The following AHNAK2 variants were observed in gnomAD, a reference collection of about 807,000 sequenced individuals.
AHNAK2 encodes the protein AHNAK nucleoprotein 2.
A neutral mutation model predicts 30.7 loss-of-function variants in AHNAK2; 18 were observed. The ratio of observed to expected loss-of-function variants is 0.59; its 90% CI spans 0.41 to 0.87. AHNAK2 has a LOEUF of 0.87. Among genes scored for constraint, AHNAK2 ranks in the 40% least tolerant of loss-of-function variants. AHNAK2 has a pLI of 0.00. For missense variants in AHNAK2, 8,604 were observed against 7,373.0 expected (o/e 1.17, Z -6.11); for synonymous variants, 3,590 against 3,073.8 (o/e 1.17, Z -5.56).
rs866622589 is a variant in AHNAK2, at chr14:104,978,202, C to A, written c.36G>T (p.Trp12Cys). Reference sequence around the variant, plus strand: ...GCGCACCGCTGCCGGGGGTTCCGGGCCAGGTGGGCAGCACCATGTGGAAGC... The same window carrying A: ...GCGCACCGCTGCCGGGGGTTCCGGGACAGGTGGGCAGCACCATGTGGAAGC... ...CDCFHMVLPT[W>C]PGTPGSVSGR... The change falls in exon 1 of 7, where the codon TGG (tryptophan) becomes TGT (cysteine). Residue 12 changes from tryptophan to cysteine, a missense_variant. Physicochemically the swap from Trp to Cys is radical, Grantham distance 215 (BLOSUM62 -2). Transcript: ENST00000333244. 4 of 1,216,838 alleles carry A rather than the reference C, an allele frequency of 3.3e-6. No homozygotes were observed. The highest frequency in any genetic ancestry group is 4.1e-6 in the Non-Finnish European group (4 of 977,474). 75.4% of individuals were successfully genotyped at this position (1,216,838 alleles called of 1,614,324 possible).
At chr14:104,977,288 G>C (rs1322419148) in intron 1 of AHNAK2, among the ~76,000 whole-genome samples, 1 of 152,192 alleles carries the variant, frequency 6.6e-6, no homozygotes, top group East Asian at 1.9e-4. Context: ...CAGCAGCATA[G>C]ACCCAGCGCC....
In AHNAK2 at chr14:104,939,776, C is replaced by T. The variant is rs898694631; in HGVS notation, c.15675G>A (p.Gly5225=). Residue 5225 remains glycine (G), a synonymous_variant, in exon 7 of 7, where the codon GGG becomes GGA. Coordinates refer to ENST00000333244, the MANE Select transcript of AHNAK2 (RefSeq NM_138420.4). ...CTTTGACTTTAGCTGCTGCTTCACC[C>T]CCTGTTGCTGCCGGTGCCTGTGTCT... ...VAQTQAPAAT[G]GEAAAKVKEF... The T allele has an allele frequency of 1.2e-6, 2 of 1,613,706 alleles. No homozygotes were observed. Among genetic ancestry groups the T allele is most frequent in the Admixed American group, 1.7e-5 (1 of 60,012 alleles).
intron 1 of AHNAK2, among the ~76,000 whole-genome samples, chr14:104,965,415 A>G (rs1899273174): frequency 2.0e-5 from 3 of 151,578 alleles, no homozygotes; most frequent in East Asian, 1.9e-4. Context: ...AAAAAAAAAA[A>G]AAAAAAGAAA....
At position 104,952,344 on chromosome 14, in the gene AHNAK2, G is replaced by A. The variant is rs759359031; in HGVS notation, c.3107C>T (p.Ser1036Phe). The A allele has an allele frequency of 1.2e-6, 2 of 1,612,772 alleles. No homozygotes were observed. The highest frequency in any genetic ancestry group is 3.3e-5 in the Admixed American group (2 of 59,944). Residue 1036 changes from serine to phenylalanine, a missense_variant, in exon 7 of 7, where the codon TCC (serine) becomes TTC (phenylalanine). Coordinates refer to ENST00000333244, the MANE Select transcript of AHNAK2 (RefSeq NM_138420.4). ...AGTGGTCTTCAGGTCCCCCTGCATGGAGGGGAGACTCAGGTCGGCCTCCAC... is the reference window on the plus strand; with the variant it reads ...AGTGGTCTTCAGGTCCCCCTGCATGAAGGGGAGACTCAGGTCGGCCTCCAC... The part of the protein sequence containing the change: ...PKVEADLSLP[S>F]MQGDLKTTDL...
rs1189953266 is a variant in AHNAK2, at chr14:104,950,680, G to T, written c.4771C>A (p.Leu1591Ile). Residue 1591 changes from leucine (L) to isoleucine (I), a missense_variant, in exon 7 of 7, where the codon CTC becomes ATC. Leu to Ile is a conservative substitution (Grantham distance 5). Coordinates refer to ENST00000333244, the MANE Select transcript of AHNAK2 (RefSeq NM_138420.4). ...MPSFKMPKVD[L>I]KGPQIDVKGP... is the part of the protein sequence containing the mutation. Reference sequence around the variant, plus strand: ...TTAACATCTATCTGGGGCCCCTTGAGGTCCACTTTGGGCATCTTGAAACTG... The same window carrying T: ...TTAACATCTATCTGGGGCCCCTTGATGTCCACTTTGGGCATCTTGAAACTG... 3.1e-6 allele frequency: 5 copies of T among 1,587,652 alleles called. 1 individual carries two copies. Among genetic ancestry groups the T allele is most frequent in the South Asian group, 2.2e-5 (2 of 89,808 alleles).
chr14:104,976,254 G>A (rs552623019), intron 1 of AHNAK2, among the ~76,000 whole-genome samples: 4 of 152,314 alleles, frequency 2.6e-5, no homozygotes, highest in Non-Finnish European at 2.9e-5. Context: ...AGTCGGCAGC[G>A]CTGCGTGGGG....
chr14:104,977,739 G>T (rs1052082767), intron 1 of AHNAK2, among the ~76,000 whole-genome samples: 3 of 152,140 alleles, frequency 2.0e-5, no homozygotes, highest in African/African-American at 7.2e-5. Flanking sequence ...CCCGGGTCCC[G>T]GCGGCCCCGG....
intron 1 of AHNAK2, among the ~76,000 whole-genome samples, chr14:104,974,968 C>T (rs982227466): frequency 5.9e-5 from 9 of 152,212 alleles, no homozygotes; most frequent in Non-Finnish European, 1.0e-4. Context: ...AGAGGCCTTC[C>T]GCATAGGTGT....
At position 104,966,150 on chromosome 14, in the gene AHNAK2, A is replaced by G. The variant is rs368877485; in HGVS notation, c.56-8478T>C. On this transcript the variant is annotated intron_variant, in intron 1 of 6. Coordinates refer to ENST00000333244, the MANE Select transcript of AHNAK2 (RefSeq NM_138420.4). This position sits in a 1 kb window ranked among gnomAD's most constrained non-coding sequence, Gnocchi z 4.3. ...GAGGTTCTCTCAAGCGAAGGAAGAGAAGGGCAGGAGGTGAGGGCAGGCAGG... is the reference window on the plus strand; with the variant it reads ...GAGGTTCTCTCAAGCGAAGGAAGAGGAGGGCAGGAGGTGAGGGCAGGCAGG... 2.0e-5 allele frequency among the ~76,000 whole-genome samples: 3 copies of G among 152,224 alleles called. No individual in the cohort carries two copies. The East Asian group carries it at 5.8e-4, about 29-fold the overall frequency.
Position 104,945,212 on chromosome 14 carries a change from G to A in AHNAK2, c.10239C>T (p.Ile3413=), listed in dbSNP as rs769430039. The change falls in exon 7 of 7, where the codon ATC becomes ATT. Residue 3413 remains isoleucine, a synonymous_variant. Coordinates refer to ENST00000333244, the MANE Select transcript of AHNAK2 (RefSeq NM_138420.4). ...KVDLKSPQVD[I]KGPKLDLKVP... is the part of the protein sequence containing the mutation. ...CTTTTAGGTCCAGCTTGGGGCCCTTGATGTCCACCTGGGGGCTCTTGAGGT... is the reference window on the plus strand; with the variant it reads ...CTTTTAGGTCCAGCTTGGGGCCCTTAATGTCCACCTGGGGGCTCTTGAGGT... 18 of 1,612,438 alleles carry A rather than the reference G, an allele frequency of 1.1e-5. 2 individuals carry two copies. Among genetic ancestry groups the A allele is most frequent in the South Asian group, 8.8e-5 (8 of 90,990 alleles).
chr14:104,946,436 C>T lies in AHNAK2; in HGVS notation c.9015G>A (p.Ala3005=), dbSNP rs750061001. ...KSIEVSVDVS[A]PKVEAEVSLP... ...GGCTCACTTCGGCCTCCACCTTCGG[C>T]GCAGACACATCCACCGAGACCTCAA... Residue 3005 remains alanine (A), a synonymous_variant, in exon 7 of 7, where the codon GCG becomes GCA. Transcript: ENST00000333244. 28 of 1,612,172 alleles carry T rather than the reference C, an allele frequency of 1.7e-5. No individual in the cohort carries two copies. The highest frequency in any genetic ancestry group is 6.7e-5 in the African/African-American group (5 of 74,340).
chr14:104,949,062 A>C lies in AHNAK2; in HGVS notation c.6389T>G (p.Leu2130Arg). 25 of 1,069,022 alleles carry C rather than the reference A, an allele frequency of 2.3e-5. 9 individuals carry two copies. Among genetic ancestry groups the C allele is most frequent in the Non-Finnish European group, 3.4e-5 (25 of 734,302 alleles). 66.2% of individuals were successfully genotyped at this position (1,069,022 alleles called of 1,614,324 possible). A position where few individuals can be genotyped will look rare whatever the true frequency, so the allele number is the denominator to read the frequency against. Residue 2130 changes from leucine to arginine, a missense_variant, in exon 7 of 7, where the codon CTG (leucine) becomes CGG (arginine). Physicochemically the swap from Leu to Arg is moderately radical, Grantham distance 102. Transcript: ENST00000333244. ...GTCCCCCTGCAGATGCGCACTATCCAGCTTGGCTCTTGGGGCCTGGACGTC... is the reference window on the plus strand; with the variant it reads ...GTCCCCCTGCAGATGCGCACTATCCCGCTTGGCTCTTGGGGCCTGGACGTC... ...EVDVQAPRAK[L>R]DSAHLQGDLT... is the part of the protein sequence containing the mutation.
chr14:104,974,527 G>A (rs114545767), intron 1 of AHNAK2, among the ~76,000 whole-genome samples: 1,855 of 152,282 alleles, frequency 0.012, 35 homozygotes, highest in African/African-American at 0.042. Flanking sequence ...GACCAGTCCC[G>A]GTCTCCATTG....
chr14:104,941,592 T>G lies in AHNAK2; in HGVS notation c.13859A>C (p.Asp4620Ala), dbSNP rs879085716. Reference sequence around the variant, plus strand: ...AAACTTACTGTCTTTCCCAGCTACATCCTCGTGGGCCAGGGACAGGTCCCC... The same window carrying G: ...AAACTTACTGTCTTTCCCAGCTACAGCCTCGTGGGCCAGGGACAGGTCCCC... Reference protein sequence around the residue: ...LEGDLSLAHEDVAGKDSKFQG... With the variant: ...LEGDLSLAHEAVAGKDSKFQG... Residue 4620 changes from aspartate (D) to alanine (A), a missense_variant, in exon 7 of 7, where the codon GAT becomes GCT. Physicochemically the swap from Asp to Ala is moderately radical, Grantham distance 126 (BLOSUM62 -2). Transcript: ENST00000333244. The G allele has an allele frequency of 1.9e-6, 3 of 1,613,328 alleles. No homozygotes were observed. In the South Asian group the frequency reaches 3.3e-5, roughly 18 times the overall value.
chr14:104,948,262 G>C lies in AHNAK2; in HGVS notation c.7189C>G (p.Leu2397Val). 9.3e-6 allele frequency: 15 copies of C among 1,612,280 alleles called. No individual in the cohort carries two copies. Among genetic ancestry groups the C allele is most frequent in the Non-Finnish European group, 1.1e-5 (13 of 1,179,540 alleles). Reference protein sequence around the residue: ...PEGPVPEGAGLKGHLPKLQMP... With the variant: ...PEGPVPEGAGVKGHLPKLQMP... The stretch of plus-strand genomic sequence containing the variant: ...TGCAGCTTGGGCAGGTGCCCTTTGA[G>C]GCCGGCTCCCTCCGGCACGGGGCCC... The change falls in exon 7 of 7, where the codon CTC (leucine) becomes GTC (valine). Residue 2397 changes from leucine (L) to valine (V), a missense_variant. Leu to Val is a conservative substitution (Grantham distance 32). Coordinates refer to ENST00000333244, the MANE Select transcript of AHNAK2 (RefSeq NM_138420.4).
rs376858111 is a variant in AHNAK2 at position 104,949,321 on chromosome 14, C to T, written c.6130G>A (p.Asp2044Asn). The T allele has an allele frequency of 1.5e-5, 19 of 1,303,698 alleles. 4 individuals are homozygous for T. The African/African-American group carries it at 1.6e-4, about 11-fold the overall frequency. 80.8% of individuals were successfully genotyped at this position (1,303,698 alleles called of 1,614,324 possible). The change falls in exon 7 of 7, where the codon GAC (aspartate) becomes AAC (asparagine). Residue 2044 changes from aspartate (D) to asparagine (N), a missense_variant. By Grantham distance (23) the Asp-to-Asn change is conservative. Transcript: ENST00000333244. The part of the protein sequence containing the change: ...TDLSIQPPSA[D>N]LKVQTGQVDV... ...ACCTGGCCAGTCTGGACCTTCAGGT[C>T]GGCAGAAGGGGGCTGAATGCTGAGG...
chr14:104,950,436 G>T lies in AHNAK2; in HGVS notation c.5015C>A (p.Ala1672Asp). Reference sequence around the variant, plus strand: ...CGAGGCCTCGATGGACTTGCCTGGGGCCGACACCCCAAATGATGGCATCTT... The same window carrying T: ...CGAGGCCTCGATGGACTTGCCTGGGTCCGACACCCCAAATGATGGCATCTT... ...KFKMPSFGVS[A>D]PGKSIEASVD... is the part of the protein sequence containing the mutation. The change falls in exon 7 of 7, where the codon GCC (alanine) becomes GAC (aspartate). Residue 1672 changes from alanine to aspartate, a missense_variant. By Grantham distance (126) the Ala-to-Asp change is moderately radical. Transcript: ENST00000333244. 6.3e-7 allele frequency: 1 copy of T among 1,586,626 alleles called. No homozygotes were observed. Among genetic ancestry groups the T allele is most frequent in the Middle Eastern group, 1.7e-4 (1 of 6,018 alleles).
intron 1 of AHNAK2, among the ~76,000 whole-genome samples, chr14:104,958,742 A>C (rs1899050501): frequency 6.6e-6 from 1 of 152,140 alleles, no homozygotes; most frequent in Non-Finnish European, 1.5e-5. Flanking sequence ...CATTAACCAT[A>C]AGATAAAGAG....
Position 104,941,046 on chromosome 14 carries a change from G to T in AHNAK2, c.14405C>A (p.Ala4802Asp). Residue 4802 changes from alanine (A) to aspartate (D), a missense_variant, in exon 7 of 7, where the codon GCT becomes GAT. Ala to Asp is a moderately radical substitution (Grantham distance 126, BLOSUM62 -2). Transcript: ENST00000333244. Reference protein sequence around the residue: ...LTKYQVTVPRAALAPELALEI... With the variant: ...LTKYQVTVPRDALAPELALEI... Reference sequence around the variant, plus strand: ...CAGAGCAAGCTCAGGGGCCAAGGCAGCTCTGGGAACAGTCACCTGGTATTT... The same window carrying T: ...CAGAGCAAGCTCAGGGGCCAAGGCATCTCTGGGAACAGTCACCTGGTATTT... 6.2e-7 allele frequency: 1 copy of T among 1,613,650 alleles called. No homozygotes were observed. The highest frequency in any genetic ancestry group is 8.5e-7 in the Non-Finnish European group (1 of 1,179,896).
Sources: gnomAD v4.1 joint callset for allele counts (sites outside exome capture counted in the v4.1 genomes callset) on GRCh38, gnomAD v4.1.1 for gene constraint, Gnocchi (gnomAD v3.1) non-coding constraint, MANE v1.5 for transcripts, NCBI Gene and HGNC (gene_info 2026-07-23, HGNC 2026-07-21) for gene names.